The following ANGPT4 variants were observed in gnomAD, a reference collection of about 807,000 sequenced individuals.
ANGPT4 encodes the protein angiopoietin-4.
ANGPT4 carries 50 observed loss-of-function variants against 53.0 expected under a neutral mutation model. That is an observed-to-expected ratio of 0.94 (90% CI 0.75 to 1.20). The LOEUF (loss-of-function observed/expected upper bound fraction) is 1.20, where lower values mean the gene tolerates loss of function less well. Ranked by LOEUF, ANGPT4 falls within the 50% of genes most tolerant of loss-of-function variation. The probability of loss-of-function intolerance (pLI) is 0.00; values close to 1 mark genes in which losing one functional copy is unlikely to be tolerated. For synonymous variants in ANGPT4, 251 were observed against 259.7 expected (o/e 0.97, Z 0.32); for missense variants, 648 against 637.1 (o/e 1.02, Z -0.18).
chr20:883,010 T>G (rs1389924713), intron 4 of ANGPT4, among the ~76,000 whole-genome samples: 1 of 152,250 alleles, frequency 6.6e-6, no homozygotes, highest in East Asian at 1.9e-4. Context: ...CCAGTTTCCC[T>G]CGCTTTTGTG....
chr20:877,839 G>T (rs570516419), intron 7 of ANGPT4, among the ~76,000 whole-genome samples: 2 of 152,330 alleles, frequency 1.3e-5, no homozygotes, highest in East Asian at 3.9e-4. Context: ...AGGACAGGCT[G>T]GGCAAGTCAC....
rs967454844 is a variant in ANGPT4 at position 884,956 on chromosome 20, G to T, written c.835+122C>A. ...TATTGTTGTTTCTATTTCACAGATG[G>T]TCGGGGAGGGTGGGGCCCGCAATGG... On this transcript the variant is annotated intron_variant, in intron 4 of 8. Coordinates refer to ENST00000381922, the MANE Select transcript of ANGPT4 (RefSeq NM_015985.4). 1.1e-5 allele frequency: 15 copies of T among 1,349,528 alleles called. No homozygotes were observed. The Admixed American group carries it at 2.2e-4, about 20-fold the overall frequency. The allele number at this position is 1,349,528 out of a possible 1,614,324, so 83.6% of individuals were successfully genotyped here.
intron 7 of ANGPT4, among the ~76,000 whole-genome samples, chr20:874,986 C>T (rs1201325532): frequency 1.3e-5 from 2 of 152,072 alleles, no homozygotes; most frequent in Non-Finnish European, 2.9e-5. Context: ...TCCCAAAGCA[C>T]TGGGATTACA....
chr20:903,846 A>C (rs1982377441), intron 1 of ANGPT4, among the ~76,000 whole-genome samples: 1 of 152,188 alleles, frequency 6.6e-6, no homozygotes, highest in South Asian at 2.1e-4. Flanking sequence ...GTAGGAGCCC[A>C]GGCAGGGAGA....
intron 1 of ANGPT4, among the ~76,000 whole-genome samples, chr20:892,429 C>G (rs1981882803): frequency 6.6e-6 from 1 of 151,946 alleles, no homozygotes; most frequent in Non-Finnish European, 1.5e-5. Context: ...AACTCCATCT[C>G]TACTAAAAAT....
At chr20:893,487 C>T (rs1294071277) in intron 1 of ANGPT4, among the ~76,000 whole-genome samples, 1 of 152,190 alleles carries the variant, frequency 6.6e-6, no homozygotes, top group Non-Finnish European at 1.5e-5. Flanking sequence ...TCACCAGGAC[C>T]AGATGCCAAG....
chr20:892,550 G>A (rs1981887369), intron 1 of ANGPT4, among the ~76,000 whole-genome samples: 1 of 150,234 alleles, frequency 6.7e-6, no homozygotes, highest in Admixed American at 6.6e-5. Context: ...GAGCTGAGAT[G>A]CACCACTGCA....
intron 7 of ANGPT4, 35 bp downstream of exon 7, chr20:878,126 C>G: frequency 6.4e-7 from 1 of 1,565,806 alleles, no homozygotes; most frequent in Non-Finnish European, 8.7e-7. Context: ...AGCTGAAGAC[C>G]CCAGCCCCCA....
intron 5 of ANGPT4, among the ~76,000 whole-genome samples, 178 bp from the exon 6 acceptor site, chr20:880,026 A>G (rs1464560686): frequency 6.6e-6 from 1 of 152,188 alleles, no homozygotes. Flanking sequence ...TCATTTTTCT[A>G]AAGTGGTGGG....
chr20:888,235 C>T, intron 3 of ANGPT4, 83 bp downstream of exon 3: 1 of 1,523,404 alleles, frequency 6.6e-7, no homozygotes, highest in Non-Finnish European at 8.8e-7. Flanking sequence ...AGTCCTAGCC[C>T]TGGCTCTGGT....
chr20:905,509 A>C (rs1194663800), intron 1 of ANGPT4, among the ~76,000 whole-genome samples: 2 of 152,056 alleles, frequency 1.3e-5, no homozygotes, highest in African/African-American at 4.8e-5. Flanking sequence ...GGCAGTGGAG[A>C]CCACAGAGAC....
chr20:906,896 C>A (rs1402404594), intron 1 of ANGPT4, among the ~76,000 whole-genome samples: 1 of 152,252 alleles, frequency 6.6e-6, no homozygotes, highest in Non-Finnish European at 1.5e-5. Context: ...CCAACGGGCT[C>A]TCACGGAGGG....
chr20:878,473 G>T, intron 6 of ANGPT4, 146 bp from the exon 7 acceptor site: 1 of 700,660 alleles, frequency 1.4e-6, no homozygotes, highest in Non-Finnish European at 2.2e-6. Context: ...GTGTAGGCAG[G>T]ACTGGGAGTA....
chr20:904,664 T>C (rs1329077298), intron 1 of ANGPT4, among the ~76,000 whole-genome samples: 1 of 152,240 alleles, frequency 6.6e-6, no homozygotes, highest in Admixed American at 6.5e-5. Flanking sequence ...TCTTGCTTTA[T>C]CACCCAGGCT....
intron 6 of ANGPT4, 70 bp from the exon 7 acceptor site, chr20:878,397 G>C: frequency 6.8e-7 from 1 of 1,469,358 alleles, no homozygotes; most frequent in Non-Finnish European, 9.3e-7. Context: ...GAGGAGCTGG[G>C]CTGGGCCAGG....
chr20:880,678 C>G (rs188158419), intron 5 of ANGPT4, among the ~76,000 whole-genome samples: 88 of 152,268 alleles, frequency 5.8e-4, no homozygotes, highest in African/African-American at 2.1e-3. Flanking sequence ...CATCCGTGCT[C>G]TTCTCTGTCA....
intron 1 of ANGPT4, among the ~76,000 whole-genome samples, chr20:907,586 A>C (rs760700845): frequency 6.6e-6 from 1 of 152,138 alleles, no homozygotes; most frequent in Non-Finnish European, 1.5e-5. Flanking sequence ...TGTTCTAACC[A>C]CTAGGTATAT....
intron 1 of ANGPT4, among the ~76,000 whole-genome samples, chr20:890,663 C>T (rs185155112): frequency 1.3e-5 from 2 of 152,330 alleles, no homozygotes; most frequent in Admixed American, 1.3e-4. Context: ...TCAAGTCACA[C>T]TCCTCCTTTG....
chr20:911,192 C>T lies in ANGPT4; in HGVS notation c.309+4714G>A, dbSNP rs892703302. On this transcript the variant is annotated intron_variant, in intron 1 of 8. Transcript: ENST00000381922. The surrounding 1 kb of genome is among the most constrained non-coding windows in gnomAD (Gnocchi z 4.9). ...CCACCCTGGGTTCCTCCTTGGTGCTCTCTTGACCCACACCCAGTTAGGCAG... is the reference window on the plus strand; with the variant it reads ...CCACCCTGGGTTCCTCCTTGGTGCTTTCTTGACCCACACCCAGTTAGGCAG... 1.3e-5 allele frequency among the ~76,000 whole-genome samples: 2 copies of T among 152,030 alleles called. No homozygotes were observed. Among genetic ancestry groups the T allele is most frequent in the African/African-American group, 4.8e-5 (2 of 41,424 alleles).
Sources: allele counts gnomAD v4.1 joint callset (sites outside exome capture counted in the v4.1 genomes callset), GRCh38; gene constraint gnomAD v4.1.1; non-coding constraint Gnocchi (gnomAD v3.1); transcripts MANE v1.5; gene names NCBI Gene and HGNC (gene_info 2026-07-23, HGNC 2026-07-21).